The following VWA3B variants were observed in gnomAD, a reference collection of about 807,000 sequenced individuals.
VWA3B encodes von Willebrand factor A domain-containing protein 3B.
VWA3B carries 138 observed loss-of-function variants against 158.3 expected under a neutral mutation model. The ratio of observed to expected loss-of-function variants is 0.87; its 90% confidence interval spans 0.76 to 1.00. The LOEUF is 1.00. Ranked by LOEUF, VWA3B falls within the 50% of genes least tolerant of loss-of-function variation. VWA3B has a pLI of 0.00. For synonymous variants in VWA3B, 596 were observed against 587.3 expected (o/e 1.01, Z -0.21); for missense variants, 1,555 against 1,565.1 (o/e 0.99, Z 0.11).
At chr2:98,276,805 T>G (rs1206285134) in intron 22 of VWA3B, among the ~76,000 whole-genome samples, 3 of 152,356 alleles carry the variant, frequency 2.0e-5, no homozygotes, top group African/African-American at 7.2e-5. Context: ...GCATCTGGCC[T>G]GCTCCAGGGT....
intron 2 of VWA3B, among the ~76,000 whole-genome samples, chr2:98,106,824 C>A (rs1207425790): frequency 6.6e-6 from 1 of 151,988 alleles, no homozygotes; most frequent in Non-Finnish European, 1.5e-5. Flanking sequence ...AGTCTTATTT[C>A]TTTCTTTCTC....
chr2:98,148,196 G>A (rs553962581), intron 7 of VWA3B, among the ~76,000 whole-genome samples: 1 of 152,180 alleles, frequency 6.6e-6, no homozygotes, highest in Admixed American at 6.5e-5. Context: ...ATGTTGAATT[G>A]CTTTCCAAAA....
At chr2:98,121,259 T>C (rs761543340) in intron 4 of VWA3B, 40 bp from the exon 5 acceptor site, 25 of 1,597,222 alleles carry the variant, frequency 1.6e-5, no homozygotes, top group Non-Finnish European at 2.1e-5. Context: ...CCAGTAGCAC[T>C]GATCACTGCC....
chr2:98,303,171 C>G (rs764841547), intron 25 of VWA3B, among the ~76,000 whole-genome samples: 71 of 152,116 alleles, frequency 4.7e-4, no homozygotes, highest in Non-Finnish European at 9.4e-4. Context: ...TGGCCCAGGA[C>G]CCCTGAGGGG....
At chr2:98,169,180 A>AT (rs1209532465) in intron 8 of VWA3B, among the ~76,000 whole-genome samples, 1 of 152,230 alleles carries the variant, frequency 6.6e-6, no homozygotes, top group Non-Finnish European at 1.5e-5. Flanking sequence ...GTGGGGCAGC[A>AT]TTTTTTCTTT....
intron 12 of VWA3B, among the ~76,000 whole-genome samples, chr2:98,200,632 T>C (rs1682459354): frequency 6.6e-6 from 1 of 152,010 alleles, no homozygotes; most frequent in Non-Finnish European, 1.5e-5. Flanking sequence ...TTTCTCCCAA[T>C]CTATGGCTTT....
chr2:98,181,081 C>T lies in VWA3B; in HGVS notation c.1180C>T (p.Leu394=). ...AGACACCTGGGACTCTAAGACATGG[C>T]TGCAGAAATATGGCTTGAAGGCCCA... ...PEDTWDSKTW[L]QKYGLKAQKL... is the part of the protein sequence containing the mutation. The change falls in exon 9 of 28, where the codon CTG becomes TTG. Residue 394 remains leucine, a synonymous_variant. Coordinates refer to ENST00000477737, the MANE Select transcript of VWA3B (RefSeq NM_144992.5). The T allele has an allele frequency of 6.2e-7, 1 of 1,614,230 alleles. No homozygotes were observed.
At chr2:98,207,423 G>T (rs1328607384) in intron 12 of VWA3B, 1 of 473,798 alleles carries the variant, frequency 2.1e-6, no homozygotes, top group African/African-American at 2.0e-5. Flanking sequence ...AAAAGATTCT[G>T]CATGGCTACA....
chr2:98,298,931 G>A (rs1690009533), intron 24 of VWA3B, among the ~76,000 whole-genome samples: 1 of 152,172 alleles, frequency 6.6e-6, no homozygotes, highest in South Asian at 2.1e-4. Context: ...TAGATGAAGG[G>A]ATGGTCCCTG....
intron 9 of VWA3B, 137 bp from the exon 10 acceptor site, chr2:98,187,838 T>C: frequency 1.1e-6 from 1 of 920,130 alleles, no homozygotes; most frequent in Non-Finnish European, 1.6e-6. Flanking sequence ...CATATTTGGT[T>C]GAACTAACAA....
intron 13 of VWA3B, chr2:98,216,988 C>CCCG: frequency 2.4e-6 from 3 of 1,250,626 alleles, no homozygotes; most frequent in South Asian, 1.3e-5. Context: ...AAGCACCCGC[C>CCCG]CCGCACCCAG....
At chr2:98,224,667 G>A (rs1010778750) in intron 14 of VWA3B, among the ~76,000 whole-genome samples, 1 of 151,830 alleles carries the variant, frequency 6.6e-6, no homozygotes, top group African/African-American at 2.4e-5. Context: ...ATAAAATACT[G>A]GAAGTAAGTG....
intron 5 of VWA3B, among the ~76,000 whole-genome samples, chr2:98,122,993 G>A (rs1297405558): frequency 6.6e-6 from 1 of 152,144 alleles, no homozygotes; most frequent in Non-Finnish European, 1.5e-5. Flanking sequence ...CCTTGATCTG[G>A]GGGTGGTCTC....
rs747274891 is a variant in VWA3B, at chr2:98,312,290, T to C, written c.3826T>C (p.Cys1276Arg). 2 of 1,614,142 alleles carry C rather than the reference T, an allele frequency of 1.2e-6. No individual in the cohort carries two copies. The highest frequency in any genetic ancestry group is 1.1e-5 in the South Asian group (1 of 91,080). ...ATPPPRAALP[C>R]TLQATHSSKG... is the part of the protein sequence containing the mutation. ...ACCTCCACCTCGAGCAGCCCTGCCC[T>C]GTACTCTCCAAGCCACCCACAGCAG... is the stretch of plus-strand genomic sequence containing the variant. The change falls in exon 28 of 28, where the codon TGT (cysteine) becomes CGT (arginine). Residue 1276 changes from cysteine (C) to arginine (R), a missense_variant. Coordinates refer to ENST00000477737, the MANE Select transcript of VWA3B (RefSeq NM_144992.5).
chr2:98,248,195 A>T (rs144282478), intron 19 of VWA3B, among the ~76,000 whole-genome samples: 2 of 152,260 alleles, frequency 1.3e-5, no homozygotes, highest in Admixed American at 1.3e-4. Flanking sequence ...ACAACCTAAT[A>T]ATAAATAAAC....
chr2:98,273,498 G>T (rs4851957), intron 22 of VWA3B, among the ~76,000 whole-genome samples: 130,291 of 152,244 alleles, frequency 0.86, 56,492 homozygotes, highest in African/African-American at 0.94. Context: ...TTTCTCTGTC[G>T]ATTTACCTTC....
chr2:98,117,750 T>A (rs1375096128), intron 3 of VWA3B, among the ~76,000 whole-genome samples: 1 of 61,866 alleles, frequency 1.6e-5, no homozygotes, highest in Non-Finnish European at 3.2e-5. Context: ...TAAATTACCT[T>A]TTTTTTTTTT....
intron 15 of VWA3B, 137 bp from the exon 16 acceptor site, chr2:98,229,913 T>A (rs1312233990): frequency 1.0e-6 from 1 of 958,470 alleles, no homozygotes; most frequent in African/African-American, 1.7e-5. Flanking sequence ...ATTTTTATAT[T>A]AACCCAGATG....
chr2:98,093,489 A>T (rs1261585244), intron 2 of VWA3B, among the ~76,000 whole-genome samples: 2 of 152,242 alleles, frequency 1.3e-5, no homozygotes, highest in Admixed American at 1.3e-4. Flanking sequence ...CATGTATTAA[A>T]TAATGCTTAA....
Sources: gnomAD v4.1 joint callset for allele counts (sites outside exome capture counted in the v4.1 genomes callset) on GRCh38, gnomAD v4.1.1 for gene constraint, MANE v1.5 for transcripts, NCBI Gene and HGNC (gene_info 2026-07-23, HGNC 2026-07-21) for gene names.